The following KIAA1217 variants were observed in gnomAD, a reference collection of about 807,000 sequenced individuals.
The protein encoded by KIAA1217 is KIAA1217.
In KIAA1217, 88 loss-of-function variants were observed where a neutral mutation model predicts 163.9. The ratio of observed to expected loss-of-function variants is 0.54; its 90% CI spans 0.45 to 0.64. The LOEUF (loss-of-function observed/expected upper bound fraction) is 0.64. KIAA1217 is among the 30% of genes least tolerant of loss of function. The probability of loss-of-function intolerance (pLI) is 0.00; values close to 1 mark genes in which losing one functional copy is unlikely to be tolerated. For missense variants in KIAA1217, 2,372 were observed against 2,475.0 expected, an observed-to-expected ratio of 0.96 and a Z score of 0.88; for synonymous variants, 903 against 923.1, an observed-to-expected ratio of 0.98 and a Z score of 0.39.
At chr10:23,834,310 C>T (rs1377663512) in intron 1 of KIAA1217, among the ~76,000 whole-genome samples, 1 of 152,188 alleles carries the variant, frequency 6.6e-6, no homozygotes, top group African/African-American at 2.4e-5. Flanking sequence ...AGCTTTTCCT[C>T]CATGTATGCA....
chr10:24,397,108 C>CTTTTT (rs34660362), intron 3 of KIAA1217, among the ~76,000 whole-genome samples: 23 of 114,706 alleles, frequency 2.0e-4, no homozygotes, highest in African/African-American at 5.6e-4. Context: ...GTAAGAAACT[C>CTTTTT]TTTTTTTTTT....
chr10:24,270,661 C>T (rs1430759789), intron 2 of KIAA1217, among the ~76,000 whole-genome samples: 2 of 152,140 alleles, frequency 1.3e-5, no homozygotes, highest in African/African-American at 2.4e-5. Context: ...CTGCCTCAGC[C>T]GCCTAAGTAA....
intron 1 of KIAA1217, among the ~76,000 whole-genome samples, chr10:23,855,093 C>T (rs1839579489): frequency 6.6e-6 from 1 of 152,150 alleles, no homozygotes; most frequent in African/African-American, 2.4e-5. Context: ...TTAGTTGATG[C>T]AGTTTCTTCC....
At chr10:24,392,807 C>A (rs535757792) in intron 3 of KIAA1217, among the ~76,000 whole-genome samples, 1 of 152,184 alleles carries the variant, frequency 6.6e-6, no homozygotes, top group Non-Finnish European at 1.5e-5. Context: ...GGAAATGTTA[C>A]CTGAACTGTG....
intron 3 of KIAA1217, among the ~76,000 whole-genome samples, chr10:24,419,168 T>C (rs2058521404): frequency 1.5e-5 from 2 of 130,208 alleles, no homozygotes; most frequent in South Asian, 4.8e-4. Flanking sequence ...GCAAGACTCG[T>C]CTCCAAAAAA....
intron 1 of KIAA1217, among the ~76,000 whole-genome samples, chr10:23,766,682 G>A (rs1301379837): frequency 2.0e-5 from 3 of 148,576 alleles, no homozygotes; most frequent in African/African-American, 7.6e-5. Context: ...TCTGCCTCCC[G>A]GTTTCAAGCG....
In KIAA1217 at chr10:24,473,416, C is replaced by A. The variant is rs749684569; in HGVS notation, c.1035C>A (p.Thr345=). 1 of 1,613,882 alleles carries A rather than the reference C, an allele frequency of 6.2e-7. No individual in the cohort carries two copies. Among genetic ancestry groups the A allele is most frequent in the African/African-American group, 1.3e-5 (1 of 74,890 alleles). ...TRSMVVPGNA[T]IPRDRISSLP... ...CCATGGTTGTTCCTGGCAATGCCAC[C>A]ATCCCCAGGGACAGAATCTCCAGCC... Residue 345 remains threonine, a synonymous_variant, in exon 6 of 21, where the codon ACC becomes ACA. Coordinates refer to ENST00000376454, the MANE Select transcript of KIAA1217 (RefSeq NM_019590.5).
chr10:24,466,806 T>C (rs16924797), intron 5 of KIAA1217: 82,417 of 984,268 alleles, frequency 0.084, 3,884 homozygotes, highest in East Asian at 0.18. Flanking sequence ...TGGCTTTAAT[T>C]CTTTGAGGGT....
Position 23,764,753 on chromosome 10 carries a change from A to G in KIAA1217, c.-321+69519A>G, listed in dbSNP as rs187716904. On this transcript the variant is annotated intron_variant, in intron 1 of 18. Coordinates refer to the KIAA1217 transcript ENST00000376462. ...AGTGGGAGTTGAACAGTGAGAACAC[A>G]TGGGCACAGGGAGGGGAACATCACA... is the stretch of plus-strand genomic sequence containing the variant. Among the ~76,000 whole-genome samples the G allele has an allele frequency of 4.7e-3, 698 of 148,800 alleles. 4 individuals are homozygous for G. The highest frequency in any genetic ancestry group is 0.016 in the African/African-American group (671 of 40,960).
intron 3 of KIAA1217, among the ~76,000 whole-genome samples, chr10:24,427,990 C>G (rs953870200): frequency 1.3e-5 from 2 of 152,202 alleles, no homozygotes; most frequent in African/African-American, 4.8e-5. Context: ...TGTGACTGGA[C>G]TCATGCACCC....
chr10:24,149,563 G>A (rs1444633211), intron 2 of KIAA1217, among the ~76,000 whole-genome samples: 2 of 151,288 alleles, frequency 1.3e-5, no homozygotes, highest in Admixed American at 1.3e-4. Context: ...CATCTGAAGT[G>A]GCTAGAAATA....
At chr10:23,973,528 G>A (rs537738498) in intron 1 of KIAA1217, among the ~76,000 whole-genome samples, 50 of 152,320 alleles carry the variant, frequency 3.3e-4, no homozygotes, top group African/African-American at 1.2e-3. Flanking sequence ...CATAGGGATT[G>A]TGCAGAAATT....
intron 1 of KIAA1217, among the ~76,000 whole-genome samples, chr10:23,861,267 C>A (rs988455520): frequency 6.6e-6 from 1 of 152,024 alleles, no homozygotes; most frequent in Non-Finnish European, 1.5e-5. Flanking sequence ...GTAACACAGG[C>A]AGGAGATCCA....
At chr10:24,180,280 C>CTTT (rs34268461) in intron 2 of KIAA1217, among the ~76,000 whole-genome samples, 227 of 83,146 alleles carry the variant, frequency 2.7e-3, no homozygotes, top group East Asian at 6.3e-3. Context: ...CCTCAACCTT[C>CTTT]TTTTTTTTTT....
Position 23,822,837 on chromosome 10 carries a change from C to G in KIAA1217, c.-321+127603C>G, listed in dbSNP as rs1837689113. On this transcript the variant is annotated intron_variant, in intron 1 of 18. Coordinates refer to the KIAA1217 transcript ENST00000376462. ...TGATATGTATCTTGAGAATGAGCCCCTCTAGATTACTAAGTTTATCCTTTG... is the reference window on the plus strand; with the variant it reads ...TGATATGTATCTTGAGAATGAGCCCGTCTAGATTACTAAGTTTATCCTTTG... Among the ~76,000 whole-genome samples, 3 of 152,136 alleles carry G rather than the reference C, an allele frequency of 2.0e-5. No individual in the cohort carries two copies. In the South Asian group the frequency reaches 6.2e-4, roughly 32 times the overall value.
chr10:23,794,408 A>G (rs1352446793), intron 1 of KIAA1217, among the ~76,000 whole-genome samples: 1 of 152,192 alleles, frequency 6.6e-6, no homozygotes, highest in Non-Finnish European at 1.5e-5. Context: ...TCTATTTCCA[A>G]TTGTAGGGGA....
chr10:24,428,991 G>A (rs1405603314), intron 3 of KIAA1217, among the ~76,000 whole-genome samples: 1 of 151,980 alleles, frequency 6.6e-6, no homozygotes, highest in Non-Finnish European at 1.5e-5. Context: ...CAGACATAAA[G>A]CAAGTATAAG....
chr10:24,542,000 G>C (rs144868828), intron 17 of KIAA1217, among the ~76,000 whole-genome samples: 1 of 152,192 alleles, frequency 6.6e-6, no homozygotes, highest in Admixed American at 6.5e-5. Flanking sequence ...TTTGGTCATC[G>C]TGGCTATGAG....
chr10:24,011,514 T>A (rs533421677), intron 2 of KIAA1217, among the ~76,000 whole-genome samples: 20 of 151,762 alleles, frequency 1.3e-4, no homozygotes, highest in Non-Finnish European at 2.7e-4. Flanking sequence ...ATTGTCTTTT[T>A]AAAAAAAAGC....
Sources: allele counts gnomAD v4.1 joint callset (sites outside exome capture counted in the v4.1 genomes callset), GRCh38; gene constraint gnomAD v4.1.1; transcripts MANE v1.5; gene names NCBI Gene and HGNC (gene_info 2026-07-23, HGNC 2026-07-21).